The following ST7L variants were observed in gnomAD, a reference collection of about 807,000 sequenced individuals.
ST7L encodes the protein suppression of tumorigenicity 7 like, also known as suppressor of tumorigenicity 7 protein-like.
Under a neutral mutation model 72.5 loss-of-function variants are expected in ST7L, and 57 were observed. The ratio of observed to expected loss-of-function variants is 0.79; its 90% CI spans 0.64 to 0.98. The LOEUF is 0.98. ST7L is among the 50% of genes least tolerant of loss of function. The pLI is 0.00. For synonymous variants in ST7L, 221 were observed against 240.9 expected (o/e 0.92, Z 0.77); for missense variants, 576 against 672.2 (o/e 0.86, Z 1.58).
chr1:112,564,698 T>G (rs1003360088), intron 11 of ST7L, among the ~76,000 whole-genome samples: 1 of 150,816 alleles, frequency 6.6e-6, no homozygotes, highest in African/African-American at 2.4e-5. Context: ...GTGCCTATAA[T>G]CCCAGCTACT....
At chr1:112,555,490 A>G (rs1054155513) in intron 12 of ST7L, among the ~76,000 whole-genome samples, 4 of 152,168 alleles carry the variant, frequency 2.6e-5, no homozygotes, top group Admixed American at 2.6e-4. Context: ...GCATGAACCC[A>G]GGAGGCAGAG....
intron 14 of ST7L, chr1:112,541,670 A>G (rs1023330239): frequency 1.9e-5 from 11 of 564,234 alleles, no homozygotes; most frequent in Non-Finnish European, 2.0e-5. Context: ...AGATAGTAAC[A>G]AATGCTGTTT....
chr1:112,586,713 T>C (rs1446258865), intron 6 of ST7L, among the ~76,000 whole-genome samples: 4 of 152,240 alleles, frequency 2.6e-5, no homozygotes, highest in Non-Finnish European at 4.4e-5. Flanking sequence ...AAATTCATTA[T>C]GTGAATACCT....
chr1:112,570,922 C>T (rs141879159), intron 11 of ST7L, among the ~76,000 whole-genome samples: 147 of 152,318 alleles, frequency 9.7e-4, no homozygotes, highest in Non-Finnish European at 1.6e-3. Flanking sequence ...GTAATCCCAG[C>T]ACTTAGCGGG....
chr1:112,577,554 A>AC (rs1663336817), intron 10 of ST7L, among the ~76,000 whole-genome samples: 1 of 151,076 alleles, frequency 6.6e-6, no homozygotes, highest in African/African-American at 2.4e-5. Context: ...AAAAAAAAAA[A>AC]AGTATAGTCT....
intron 11 of ST7L, among the ~76,000 whole-genome samples, chr1:112,563,090 C>G (rs2101675734): frequency 6.9e-6 from 1 of 144,078 alleles, no homozygotes; most frequent in East Asian, 1.9e-4. Flanking sequence ...GTACCTATTA[C>G]TTTTGTTATA....
chr1:112,580,334 T>G (rs7554345), intron 9 of ST7L, among the ~76,000 whole-genome samples: 75,681 of 151,936 alleles, frequency 0.5, 19,221 homozygotes, highest in East Asian at 0.64. Flanking sequence ...AATATTTTTT[T>G]TAGAAATGGG....
intron 3 of ST7L, chr1:112,607,113 A>C (rs949468211): frequency 2.6e-5 from 4 of 152,178 alleles, no homozygotes; most frequent in African/African-American, 9.7e-5. Flanking sequence ...GTCCTGGATA[A>C]TTTTTTAAGA....
chr1:112,565,196 C>G (rs924518969), intron 11 of ST7L, among the ~76,000 whole-genome samples: 7 of 147,876 alleles, frequency 4.7e-5, no homozygotes, highest in Non-Finnish European at 1.0e-4. Context: ...AGGCGCCCAC[C>G]ACCATGTTCG....
At chr1:112,614,736 C>T (rs1669603589) in intron 2 of ST7L, among the ~76,000 whole-genome samples, 1 of 151,872 alleles carries the variant, frequency 6.6e-6, no homozygotes, top group South Asian at 2.1e-4. Context: ...CGTTTATGCC[C>T]AAGCGTCTGA....
At chr1:112,556,180 A>G (rs1659090023) in intron 11 of ST7L, among the ~76,000 whole-genome samples, 162 bp from the exon 12 acceptor site, 2 of 152,256 alleles carry the variant, frequency 1.3e-5, no homozygotes, top group South Asian at 4.1e-4. Flanking sequence ...GATAACATGT[A>G]TAAAATGCTT....
rs181062882 is a variant in ST7L at position 112,601,043 on chromosome 1, T to C, written c.452-195A>G. 3.9e-4 allele frequency among the ~76,000 whole-genome samples: 60 copies of C among 152,364 alleles called. 1 individual carries two copies. The East Asian group carries it at 5.8e-3, about 15-fold the overall frequency. ...TTCTGTCTCCATAGTATTTGGTTCA[T>C]AATTCAGTTATAGCACTTACCATAT... is the stretch of plus-strand genomic sequence containing the variant. On this transcript the variant is annotated intron_variant, in intron 3 of 14. Transcript: ENST00000358039.
At chr1:112,520,153 T>A (rs1266214864), downstream of ST7L, 1 of 851,170 alleles carries the variant, frequency 1.2e-6, no homozygotes, top group Non-Finnish European at 1.8e-6. Flanking sequence ...ATGATAGGCA[T>A]GAGTGAGCCA....
chr1:112,598,906 A>G lies in ST7L; in HGVS notation c.507-820T>C, dbSNP rs952252. Among the ~76,000 whole-genome samples the G allele has an allele frequency of 4.0e-5, 6 of 150,332 alleles. No individual in the cohort carries two copies. The East Asian group carries it at 1.2e-3, about 29-fold the overall frequency. On this transcript the variant is annotated intron_variant, in intron 4 of 14. Coordinates refer to ENST00000358039, the MANE Select transcript of ST7L (RefSeq NM_017744.5). Reference sequence around the variant, plus strand: ...AAAACCCTGTCTCTCCTAAAAATACAAAAATTAGCCGCATGTGGTAGCGGC... The same window carrying G: ...AAAACCCTGTCTCTCCTAAAAATACGAAAATTAGCCGCATGTGGTAGCGGC...
At chr1:112,579,650 T>A (rs1663787205) in intron 9 of ST7L, among the ~76,000 whole-genome samples, 1 of 152,116 alleles carries the variant, frequency 6.6e-6, no homozygotes, top group Admixed American at 6.6e-5. Flanking sequence ...ATTAATTATA[T>A]CAATCATTCT....
intron 2 of ST7L, among the ~76,000 whole-genome samples, chr1:112,612,587 G>T (rs1402268760): frequency 6.6e-6 from 1 of 152,046 alleles, no homozygotes; most frequent in Non-Finnish European, 1.5e-5. Flanking sequence ...ACGTTTATAG[G>T]AAAGTGTGAG....
Position 112,540,904 on chromosome 1 carries a change from T to C in ST7L, c.1629+1047A>G, listed in dbSNP as rs753969974. The stretch of plus-strand genomic sequence containing the variant: ...GAAATGCAAAGATGTACAAGAAAGA[T>C]GCATTTTTAAAAAGGCTTGGAGACT... On this transcript the variant is annotated intron_variant, in intron 14 of 14. Coordinates refer to ENST00000358039, the MANE Select transcript of ST7L (RefSeq NM_017744.5). The C allele has an allele frequency of 1.5e-5, 18 of 1,226,968 alleles. 1 individual carries two copies. The South Asian group carries it at 2.3e-4, about 16-fold the overall frequency. 76.0% of individuals were successfully genotyped at this position (1,226,968 alleles called of 1,614,324 possible).
intron 11 of ST7L, among the ~76,000 whole-genome samples, chr1:112,567,423 G>A (rs902641907): frequency 6.6e-6 from 1 of 151,878 alleles, no homozygotes; most frequent in African/African-American, 2.4e-5. Flanking sequence ...TTGCCTTTTT[G>A]TCTTAACACT....
At chr1:112,554,760 TA>T (rs571624126) in intron 12 of ST7L, among the ~76,000 whole-genome samples, 5 of 151,820 alleles carry the variant, frequency 3.3e-5, no homozygotes, top group African/African-American at 9.7e-5. Context: ...GATGAATGGA[TA>T]AAAAAAATGT....
Sources: gnomAD v4.1 joint callset for allele counts (sites outside exome capture counted in the v4.1 genomes callset) on GRCh38, gnomAD v4.1.1 for gene constraint, MANE v1.5 for transcripts, NCBI Gene and HGNC (gene_info 2026-07-23, HGNC 2026-07-21) for gene names.